The following PRIM2 variants were observed in gnomAD, a reference collection of about 807,000 sequenced individuals.
The protein encoded by PRIM2 is DNA primase large subunit.
Under a neutral mutation model 67.3 loss-of-function variants are expected in PRIM2, and 39 were observed. The ratio of observed to expected loss-of-function variants is 0.58; its 90% confidence interval spans 0.45 to 0.76. PRIM2 has a LOEUF of 0.76. PRIM2 is among the 30% of genes least tolerant of loss of function. The probability of loss-of-function intolerance (pLI) is 0.00; values close to 1 mark genes in which losing one functional copy is unlikely to be tolerated. For synonymous variants in PRIM2, 143 were observed against 198.7 expected, an observed-to-expected ratio of 0.72 and a Z score of 2.36; for missense variants, 398 against 598.7, an observed-to-expected ratio of 0.66 and a Z score of 3.50.
chr6:57,330,142 G>T (rs935260687), intron 5 of PRIM2, among the ~76,000 whole-genome samples: 3 of 151,946 alleles, frequency 2.0e-5, no homozygotes, highest in Admixed American at 6.6e-5. Context: ...ATGAACATGG[G>T]ATGTCTTTCT....
At chr6:57,447,592 A>C (rs1772408029) in intron 7 of PRIM2, among the ~76,000 whole-genome samples, 1 of 152,240 alleles carries the variant, frequency 6.6e-6, no homozygotes, top group African/African-American at 2.4e-5. Flanking sequence ...ATTTAATTGA[A>C]GCAGAATCTA....
chr6:57,267,164 G>T, the PRIM2 span, among the ~76,000 whole-genome samples: 1 of 152,190 alleles, frequency 6.6e-6, no homozygotes, highest in East Asian at 1.9e-4. Flanking sequence ...TCAATGCATT[G>T]CTTTACCTAA....
At chr6:57,457,226 T>G (rs1772824523) in intron 7 of PRIM2, among the ~76,000 whole-genome samples, 1 of 152,362 alleles carries the variant, frequency 6.6e-6, no homozygotes, top group Non-Finnish European at 1.5e-5. Flanking sequence ...GTGAGGCTAC[T>G]TGGGGGTCAG....
chr6:57,389,430 A>G (rs932237047), intron 7 of PRIM2, among the ~76,000 whole-genome samples: 3 of 152,088 alleles, frequency 2.0e-5, no homozygotes, highest in Non-Finnish European at 2.9e-5. Context: ...TTCACTTTCT[A>G]TTTGTGAGAC....
chr6:57,227,451 C>T, the PRIM2 span, among the ~76,000 whole-genome samples: 2 of 152,066 alleles, frequency 1.3e-5, no homozygotes, highest in Non-Finnish European at 2.9e-5. Flanking sequence ...CAAGACCAGC[C>T]TGGCCAACAT....
At chr6:57,579,048 T>A (rs1776025800) in intron 10 of PRIM2, among the ~76,000 whole-genome samples, 1 of 152,164 alleles carries the variant, frequency 6.6e-6, no homozygotes, top group Admixed American at 6.5e-5. Context: ...GTATTTTCCC[T>A]GCCTCAGTCC....
chr6:57,464,780 A>G (rs1391972611), intron 7 of PRIM2, among the ~76,000 whole-genome samples: 2 of 152,122 alleles, frequency 1.3e-5, no homozygotes, highest in East Asian at 3.8e-4. Context: ...CCTCTCCATC[A>G]TCATCATTGT....
chr6:57,454,454 C>T (rs1772682888), intron 7 of PRIM2, among the ~76,000 whole-genome samples: 1 of 152,074 alleles, frequency 6.6e-6, no homozygotes, highest in Admixed American at 6.6e-5. Context: ...TAATTATTGC[C>T]TCAATTTCAG....
rs1016727332 is a variant in PRIM2 at position 57,367,323 on chromosome 6, A to AT, written c.460-12572dup. ...CTTTGTTAAAGATTTTCCAATTAAA[A>AT]TTTTTTCCTATTATATGGCTCTCCT... On this transcript the variant is annotated intron_variant, in intron 5 of 13. Transcript: ENST00000615550. Among the ~76,000 whole-genome samples the AT allele has an allele frequency of 2.6e-5, 4 of 152,104 alleles. No homozygotes were observed. In the South Asian group the frequency reaches 6.2e-4, roughly 24 times the overall value.
At chr6:57,476,867 C>T (rs1316286167) in intron 7 of PRIM2, among the ~76,000 whole-genome samples, 17 of 152,180 alleles carry the variant, frequency 1.1e-4, no homozygotes, top group Admixed American at 5.2e-4. Flanking sequence ...CCTGCCTCAG[C>T]CTCCCAAGTA....
rs1478763043 is a variant in PRIM2 at position 57,531,357 on chromosome 6, T to G, written c.762-1054T>G. On this transcript the variant is annotated intron_variant, in intron 8 of 13. Transcript: ENST00000615550. ...ATTTTTATTATTTGTAGAGACAGAG[T>G]CTTACTCTGTTGCCCAGGTGGAATT... 5.3e-5 allele frequency among the ~76,000 whole-genome samples: 8 copies of G among 152,190 alleles called. No individual in the cohort carries two copies. The South Asian group carries it at 8.3e-4, about 16-fold the overall frequency.
At chr6:57,312,442 C>T (rs1767407657), upstream of PRIM2, among the ~76,000 whole-genome samples, 1 of 151,858 alleles carries the variant, frequency 6.6e-6, no homozygotes, top group Non-Finnish European at 1.5e-5. Flanking sequence ...GTGGAGGCTG[C>T]AGTGGGCAGT....
At chr6:57,255,232 T>G in the PRIM2 span, among the ~76,000 whole-genome samples, 1 of 152,034 alleles carries the variant, frequency 6.6e-6, no homozygotes, top group African/African-American at 2.4e-5. Context: ...GGTGTGGTGG[T>G]GCACACCTGT....
chr6:57,307,825 G>T, the PRIM2 span, among the ~76,000 whole-genome samples: 1 of 152,012 alleles, frequency 6.6e-6, no homozygotes, highest in Non-Finnish European at 1.5e-5. Flanking sequence ...TTCCTTTTGG[G>T]GCTTTTAATT....
intron 10 of PRIM2, among the ~76,000 whole-genome samples, chr6:57,588,704 A>T: frequency 6.6e-6 from 1 of 151,918 alleles, no homozygotes; most frequent in South Asian, 2.1e-4. Context: ...TACATTGTGT[A>T]TTTTCCAATG....
intron 7 of PRIM2, among the ~76,000 whole-genome samples, chr6:57,450,259 T>A (rs1372687151): frequency 6.6e-6 from 1 of 152,182 alleles, no homozygotes; most frequent in East Asian, 1.9e-4. Flanking sequence ...CACTGCAGCT[T>A]AATAGTTAAT....
At position 57,463,874 on chromosome 6, in the gene PRIM2, G is replaced by A. The variant is rs1773094656; in HGVS notation, c.694-43513G>A. On this transcript the variant is annotated intron_variant, in intron 7 of 13. Transcript: ENST00000615550. ...TGAATCAGCATTCCTTGTGTGGTTT[G>A]GAAGTCTTTTTATGATCGAGTCCCT... Among the ~76,000 whole-genome samples the A allele has an allele frequency of 2.6e-5, 4 of 152,268 alleles. No individual in the cohort carries two copies. In the South Asian group the frequency reaches 6.2e-4, roughly 24 times the overall value.
intron 3 of PRIM2, among the ~76,000 whole-genome samples, chr6:57,320,911 G>T (rs1767633856): frequency 6.6e-6 from 1 of 152,164 alleles, no homozygotes; most frequent in East Asian, 1.9e-4. Context: ...TGTGTTTATA[G>T]ATGCATGCTC....
At position 57,325,938 on chromosome 6, in the gene PRIM2, C is replaced by A. The variant is rs753764529; in HGVS notation, c.352C>A (p.Arg118Ser). The change falls in exon 5 of 14, where the codon CGC (arginine) becomes AGC (serine). Residue 118 changes from arginine to serine, a missense_variant. Physicochemically the swap from Arg to Ser is moderately radical, Grantham distance 110. Coordinates refer to ENST00000615550, the MANE Select transcript of PRIM2 (RefSeq NM_000947.5). ...LAYCQSEELR[R>S]WFIQQEMDLL... Reference sequence around the variant, plus strand: ...TCTTCATTTCAGTGAAGAACTTAGACGCTGGTTCATTCAACAAGAAATGGA... The same window carrying A: ...TCTTCATTTCAGTGAAGAACTTAGAAGCTGGTTCATTCAACAAGAAATGGA... 1.2e-6 allele frequency: 2 copies of A among 1,601,438 alleles called. No homozygotes were observed. The highest frequency in any genetic ancestry group is 2.2e-5 in the South Asian group (2 of 89,116).
Sources: gnomAD v4.1 joint callset for allele counts (sites outside exome capture counted in the v4.1 genomes callset) on GRCh38, gnomAD v4.1.1 for gene constraint, MANE v1.5 for transcripts, NCBI Gene and HGNC (gene_info 2026-07-23, HGNC 2026-07-21) for gene names.